RAB10: variants seen among roughly 807,000 people sequenced by gnomAD.
RAB10 encodes the protein RAB10, member RAS oncogene family, also known as ras-related protein Rab-10.
In RAB10, 5 loss-of-function variants were observed where a neutral mutation model predicts 25.7. The ratio of observed to expected loss-of-function variants is 0.19; its 90% CI spans 0.10 to 0.41. The LOEUF (loss-of-function observed/expected upper bound fraction) is 0.41, where lower values mean the gene tolerates loss of function less well. Ranked by LOEUF, RAB10 falls within the 10% of genes least tolerant of loss-of-function variation. The pLI is 1.00. For missense variants in RAB10, 103 were observed against 245.8 expected (o/e 0.42, Z 3.89); for synonymous variants, 89 against 86.4 (o/e 1.03, Z -0.16).
chr2:26,093,075 G>A (rs1023628195), intron 1 of RAB10, among the ~76,000 whole-genome samples: 3 of 152,164 alleles, frequency 2.0e-5, no homozygotes, highest in Non-Finnish European at 4.4e-5. Context: ...AACAGGTTTT[G>A]TTGAAGGTTG....
rs1665954760 is a variant in RAB10, at chr2:26,044,546, AGTTT to A, written c.127+9812_127+9815del. On this transcript the variant is annotated intron_variant, in intron 1 of 5. Transcript: ENST00000264710. ...AGGCCAAAAGGCCACATGGCTAATT[AGTTT>A]TTTTTTTTTTTTGAGATAGAGTTTC... is the stretch of plus-strand genomic sequence containing the variant. 3.3e-5 allele frequency among the ~76,000 whole-genome samples: 5 copies of A among 150,550 alleles called. No individual in the cohort carries two copies. In the South Asian group the frequency reaches 1.1e-3, roughly 32 times the overall value.
At chr2:26,130,478 CT>C (rs72325138) in intron 5 of RAB10, among the ~76,000 whole-genome samples, 4,510 of 144,316 alleles carry the variant, frequency 0.031, 214 homozygotes, top group African/African-American at 0.1. Flanking sequence ...TGGTCTCTCT[CT>C]TTTTTTTTTT....
At chr2:26,124,662 T>G (rs755559686) in intron 3 of RAB10, among the ~76,000 whole-genome samples, 7 of 152,110 alleles carry the variant, frequency 4.6e-5, no homozygotes, top group Non-Finnish European at 8.8e-5. Flanking sequence ...TTCAGTGGTG[T>G]TAAGTACATT....
chr2:26,065,253 G>C (rs1230570517), intron 1 of RAB10, among the ~76,000 whole-genome samples: 1 of 152,016 alleles, frequency 6.6e-6, no homozygotes, highest in Non-Finnish European at 1.5e-5. Flanking sequence ...GACCCAGGTA[G>C]AATCATTCTT....
rs1360840419 is a variant in RAB10 at position 26,135,998 on chromosome 2, T to C, written c.*977T>C. The C allele has an allele frequency of 6.5e-6, 1 of 152,702 alleles. No homozygotes were observed. Among genetic ancestry groups the C allele is most frequent in the Non-Finnish European group, 1.5e-5 (1 of 68,070 alleles). 9.5% of individuals were successfully genotyped at this position (152,702 alleles called of 1,614,324 possible). A position where few individuals can be genotyped will look rare whatever the true frequency, so the allele number is the denominator to read the frequency against. On this transcript the variant is annotated 3_prime_UTR_variant, in exon 6 of 6. Transcript: ENST00000264710. The stretch of plus-strand genomic sequence containing the variant: ...CATTTGCTCTCTTCCCTAAAATGTG[T>C]CCCAGATGCCTTCATTTGCTGTTTT...
intron 1 of RAB10, among the ~76,000 whole-genome samples, chr2:26,039,857 A>T (rs931194597): frequency 6.6e-6 from 1 of 151,986 alleles, no homozygotes; most frequent in Non-Finnish European, 1.5e-5. Context: ...TATGAAAAAA[A>T]AATTAAAATT....
intron 1 of RAB10, among the ~76,000 whole-genome samples, chr2:26,074,119 A>C: frequency 6.6e-6 from 1 of 152,220 alleles, no homozygotes; most frequent in East Asian, 1.9e-4. Flanking sequence ...ATGCAGGATG[A>C]TACAGAAGAG....
chr2:26,088,918 C>T (rs1014845396), intron 1 of RAB10, among the ~76,000 whole-genome samples: 4 of 151,422 alleles, frequency 2.6e-5, no homozygotes, highest in Admixed American at 6.6e-5. Flanking sequence ...CCACCATGCC[C>T]GGCTTATCTT....
At chr2:26,106,582 C>G (rs577981686) in intron 2 of RAB10, among the ~76,000 whole-genome samples, 1 of 152,164 alleles carries the variant, frequency 6.6e-6, no homozygotes, top group African/African-American at 2.4e-5. Flanking sequence ...AATGTACCAT[C>G]GGTTTAATAA....
At chr2:26,134,861 G>A in intron 5 of RAB10, 77 bp from the exon 6 acceptor site, 2 of 1,159,350 alleles carry the variant, frequency 1.7e-6, no homozygotes, top group South Asian at 1.4e-5. Flanking sequence ...ATTGACATAA[G>A]AATATTCCTG....
At chr2:26,073,678 T>TA (rs1303923327) in intron 1 of RAB10, among the ~76,000 whole-genome samples, 3 of 152,284 alleles carry the variant, frequency 2.0e-5, no homozygotes, top group African/African-American at 7.2e-5. Context: ...ATCAGATAGT[T>TA]ACAGTCAGCT....
At chr2:26,118,135 G>T (rs1667730194) in intron 3 of RAB10, among the ~76,000 whole-genome samples, 1 of 151,938 alleles carries the variant, frequency 6.6e-6, no homozygotes, top group Non-Finnish European at 1.5e-5. Context: ...ACCACGCCTG[G>T]CTAATTTTTG....
chr2:26,077,911 G>A (rs1250521309), intron 1 of RAB10, among the ~76,000 whole-genome samples: 7 of 152,086 alleles, frequency 4.6e-5, no homozygotes, highest in East Asian at 1.9e-4. Flanking sequence ...CCCGGGAGGC[G>A]GGGTTTGCAG....
chr2:26,047,179 G>A (rs1265699781), intron 1 of RAB10, among the ~76,000 whole-genome samples: 1 of 152,020 alleles, frequency 6.6e-6, no homozygotes. Context: ...ACAGTTCCAA[G>A]GAACAAGGAC....
At chr2:26,053,665 A>T (rs998351679) in intron 1 of RAB10, among the ~76,000 whole-genome samples, 3 of 152,166 alleles carry the variant, frequency 2.0e-5, no homozygotes, top group Non-Finnish European at 4.4e-5. Flanking sequence ...TCTTAGTGTT[A>T]CATAAATGCT....
chr2:26,062,542 G>C (rs1259136237), intron 1 of RAB10, among the ~76,000 whole-genome samples: 1 of 152,040 alleles, frequency 6.6e-6, no homozygotes, highest in South Asian at 2.1e-4. Context: ...GCTGGACCTG[G>C]TGGCGCATAC....
intron 1 of RAB10, among the ~76,000 whole-genome samples, chr2:26,070,361 T>G (rs1666598861): frequency 6.6e-6 from 1 of 152,254 alleles, no homozygotes; most frequent in South Asian, 2.1e-4. Context: ...TCTGGTTTTA[T>G]CTGTTTTTCA....
At chr2:26,038,924 CAAAAAAAA>C (rs34311018) in intron 1 of RAB10, among the ~76,000 whole-genome samples, 3 of 103,368 alleles carry the variant, frequency 2.9e-5, no homozygotes, top group Non-Finnish European at 5.4e-5. Context: ...GACTCTGTCT[CAAAAAAAA>C]AAAAAAAAAA....
In RAB10 at chr2:26,124,389, C is replaced by CTTTTTTTTTTTTTTTTTTTTTTTTT. The variant is rs10669615; in HGVS notation, c.328-2751_328-2727dup. ...GTTGTTTTTCTTATTGTTGTTGTTG[C>CTTTTTTTTTTTTTTTTTTTTTTTTT]TTTTTTTTTTTTTTTTTTTTTTTTT... On this transcript the variant is annotated intron_variant, in intron 3 of 5. Transcript: ENST00000264710. 9.1e-4 allele frequency among the ~76,000 whole-genome samples: 18 copies of CTTTTTTTTTTTTTTTTTTTTTTTTT among 19,678 alleles called. 7 individuals are homozygous for CTTTTTTTTTTTTTTTTTTTTTTTTT. The highest frequency in any genetic ancestry group is 4.8e-3 in the East Asian group (2 of 414). 12.9% of individuals were successfully genotyped at this position (19,678 alleles called of 152,430 possible). A position where few individuals can be genotyped will look rare whatever the true frequency, so the allele number is the denominator to read the frequency against.
Sources: gnomAD v4.1 joint callset for allele counts (sites outside exome capture counted in the v4.1 genomes callset) on GRCh38, gnomAD v4.1.1 for gene constraint, MANE v1.5 for transcripts, NCBI Gene and HGNC (gene_info 2026-07-23, HGNC 2026-07-21) for gene names.